VPS72: variants seen among roughly 807,000 people sequenced by gnomAD.
The protein encoded by VPS72 is vacuolar protein sorting-associated protein 72 homolog.
A neutral mutation model predicts 38.9 loss-of-function variants in VPS72; 27 were observed. The ratio of observed to expected loss-of-function variants is 0.69; its 90% CI spans 0.51 to 0.96. The LOEUF (loss-of-function observed/expected upper bound fraction) is 0.96, where lower values mean the gene tolerates loss of function less well. Among genes scored for constraint, VPS72 ranks in the 40% least tolerant of loss-of-function variants. VPS72 has a pLI of 0.00. For missense variants in VPS72, 360 were observed against 479.5 expected (o/e 0.75, Z 2.33); for synonymous variants, 173 against 186.3 (o/e 0.93, Z 0.58).
chr1:151,186,689 G>A (rs1158210188), intron 1 of VPS72, among the ~76,000 whole-genome samples: 1 of 152,156 alleles, frequency 6.6e-6, no homozygotes, highest in Non-Finnish European at 1.5e-5. Context: ...CACAGAAATG[G>A]TAATGTGTAT....
chr1:151,183,912 T>G (rs1272828823), intron 4 of VPS72, among the ~76,000 whole-genome samples: 1 of 151,644 alleles, frequency 6.6e-6, no homozygotes, highest in African/African-American at 2.4e-5. Context: ...TTTTAAGAGA[T>G]GGGGTTTCAC....
intron 5 of VPS72, among the ~76,000 whole-genome samples, chr1:151,177,261 T>C (rs1482299604): frequency 6.6e-6 from 1 of 151,938 alleles, no homozygotes; most frequent in African/African-American, 2.4e-5. Context: ...GGCGGATGCC[T>C]GTAATCACAG....
intron 2 of VPS72, 53 bp from the exon 3 acceptor site, chr1:151,185,673 A>G: frequency 6.2e-7 from 1 of 1,610,276 alleles, no homozygotes; most frequent in South Asian, 1.1e-5. Flanking sequence ...CAGGAGAAAT[A>G]TGAGGATCTC....
intron 4 of VPS72, among the ~76,000 whole-genome samples, chr1:151,183,401 G>A (rs1319433464): frequency 1.0e-4 from 12 of 114,766 alleles, no homozygotes; most frequent in East Asian, 2.6e-4. Context: ...CAGCCTGGGC[G>A]ACAGAGTAAG....
At chr1:151,183,615 C>T (rs941080530) in intron 4 of VPS72, among the ~76,000 whole-genome samples, 1 of 151,330 alleles carries the variant, frequency 6.6e-6, no homozygotes, top group Non-Finnish European at 1.5e-5. Context: ...ACATGCGCCA[C>T]CATGCCCAGC....
At chr1:151,186,717 AG>A (rs1208542517) in intron 1 of VPS72, among the ~76,000 whole-genome samples, 2 of 152,220 alleles carry the variant, frequency 1.3e-5, no homozygotes, top group African/African-American at 4.8e-5. Flanking sequence ...TTATGGAATA[AG>A]GATTTAGATC....
At chr1:151,186,027 C>T in intron 1 of VPS72, 77 bp from the exon 2 acceptor site, 2 of 1,548,382 alleles carry the variant, frequency 1.3e-6, no homozygotes, top group East Asian at 2.3e-5. Flanking sequence ...AATCTCTCGA[C>T]TTTCTTGATA....
chr1:151,184,926 G>A (rs1313239266), intron 3 of VPS72, among the ~76,000 whole-genome samples: 1 of 151,874 alleles, frequency 6.6e-6, no homozygotes, highest in Non-Finnish European at 1.5e-5. Flanking sequence ...AATAGTACAA[G>A]GAATACTCAT....
chr1:151,189,895 G>T, intron 1 of VPS72, 110 bp downstream of exon 1: 2 of 1,268,050 alleles, frequency 1.6e-6, no homozygotes, highest in Non-Finnish European at 2.2e-6. Context: ...TCGAGTATCA[G>T]CTCCCAGAGC....
At position 151,176,961 on chromosome 1, in the gene VPS72, G is replaced by C. The variant is rs761537520; in HGVS notation, c.778C>G (p.Arg260Gly). The C allele has an allele frequency of 6.2e-7, 1 of 1,609,850 alleles. No individual in the cohort carries two copies. The highest frequency in any genetic ancestry group is 1.1e-5 in the South Asian group (1 of 90,762). ...AGTGPVNPPA[R>G]CSRTFITFSD... ...AAAGTGATGAAGGTACGTGAGCAGC[G>C]AGCAGGGGGGTTGACGGGTCCAGTC... Residue 260 changes from arginine to glycine, a missense_variant, in exon 6 of 6, where the codon CGC (arginine) becomes GGC (glycine). Coordinates refer to ENST00000368892, the MANE Select transcript of VPS72 (RefSeq NM_005997.3).
chr1:151,182,435 C>A (rs998297354), intron 4 of VPS72, among the ~76,000 whole-genome samples: 1 of 152,120 alleles, frequency 6.6e-6, no homozygotes, highest in Admixed American at 6.6e-5. Context: ...TATTAATAAC[C>A]GTTTTTTCTT....
Position 151,176,535 on chromosome 1 carries a change from A to T in VPS72, c.*109T>A, listed in dbSNP as rs774860605. On this transcript the variant is annotated 3_prime_UTR_variant, in exon 6 of 6. Coordinates refer to ENST00000368892, the MANE Select transcript of VPS72 (RefSeq NM_005997.3). ...AACTAGGGGAAAAGGAAAAAGAAACAGATTAGGCAAAGATCAGAGATGACA... is the reference window on the plus strand; with the variant it reads ...AACTAGGGGAAAAGGAAAAAGAAACTGATTAGGCAAAGATCAGAGATGACA... The T allele has an allele frequency of 1.8e-5, 26 of 1,480,852 alleles. No individual in the cohort carries two copies. The highest frequency in any genetic ancestry group is 2.3e-5 in the Non-Finnish European group (25 of 1,109,182). 91.7% of individuals were successfully genotyped at this position (1,480,852 alleles called of 1,614,324 possible).
intron 1 of VPS72, among the ~76,000 whole-genome samples, chr1:151,187,246 C>G (rs1179090356): frequency 1.3e-5 from 2 of 152,140 alleles, no homozygotes; most frequent in Non-Finnish European, 2.9e-5. Flanking sequence ...AGGGAGTCAA[C>G]TGGGCTGGCT....
At chr1:151,179,770 T>C (rs1049494376) in intron 4 of VPS72, among the ~76,000 whole-genome samples, 39 of 151,516 alleles carry the variant, frequency 2.6e-4, no homozygotes, top group African/African-American at 9.5e-4. Flanking sequence ...TGTATGCCTA[T>C]AATCCCAGCT....
intron 3 of VPS72, 25 bp downstream of exon 3, chr1:151,185,481 A>T (rs2101728500): frequency 6.2e-7 from 1 of 1,607,168 alleles, no homozygotes; most frequent in Middle Eastern, 1.7e-4. Context: ...CAATTTTGCC[A>T]ATTGACCCTA....
Position 151,176,675 on chromosome 1 carries a change from C to T in VPS72, c.1064G>A (p.Arg355Gln), listed in dbSNP as rs767328006. The T allele has an allele frequency of 3.7e-6, 6 of 1,613,824 alleles. No homozygotes were observed. Among genetic ancestry groups the T allele is most frequent in the East Asian group, 4.5e-5 (2 of 44,896 alleles). Residue 355 changes from arginine (R) to glutamine (Q), a missense_variant, in exon 6 of 6, where the codon CGA becomes CAA. By Grantham distance (43) the Arg-to-Gln change is conservative (BLOSUM62 1). Transcript: ENST00000368892. ...AATGACAATTTTCTGGCGCAAGGCT[C>T]GGGGCCCAGAGCCAGGGAGGGGCTC... ...PPEPLPGSGP[R>Q]ALRQKIVIK
intron 1 of VPS72, 67 bp downstream of exon 1, chr1:151,189,938 C>A: frequency 1.3e-6 from 2 of 1,554,728 alleles, no homozygotes; most frequent in South Asian, 2.2e-5. Flanking sequence ...TCTTCTTTGT[C>A]CGGGGTTTCT....
chr1:151,189,999 T>A lies in VPS72; in HGVS notation c.117+6A>T. 1 of 1,613,802 alleles carries A rather than the reference T, an allele frequency of 6.2e-7. No homozygotes were observed. Among genetic ancestry groups the A allele is most frequent in the Non-Finnish European group, 8.5e-7 (1 of 1,179,840 alleles). On this transcript the variant is annotated splice_donor_region_variant and intron_variant, in intron 1 of 5. Transcript: ENST00000368892. ...TCCCCTCCCTTTTCCCAGGCCCGGA[T>A]CTTGCCTCTGTGAAACCCCCATAAG...
At chr1:151,177,967 C>G (rs1558212353) in intron 5 of VPS72, 34 bp downstream of exon 5, 1 of 1,606,052 alleles carries the variant, frequency 6.2e-7, no homozygotes, top group Non-Finnish European at 8.5e-7. Flanking sequence ...ATGAGCTGAA[C>G]ACACAATCTC....
Sources: allele counts gnomAD v4.1 joint callset (sites outside exome capture counted in the v4.1 genomes callset), GRCh38; gene constraint gnomAD v4.1.1; transcripts MANE v1.5; gene names NCBI Gene and HGNC (gene_info 2026-07-23, HGNC 2026-07-21).